Variants in NOVA2 observed in about 807,000 individuals in gnomAD.
NOVA2 encodes NOVA alternative splicing regulator 2.
NOVA2 carries 9 observed loss-of-function variants against 22.5 expected under a neutral mutation model. That is an observed-to-expected ratio of 0.40 (90% confidence interval 0.24 to 0.70). NOVA2 has a LOEUF of 0.70. Among genes scored for constraint, NOVA2 ranks in the 30% least tolerant of loss-of-function variants. The pLI is 0.38. For synonymous variants in NOVA2, 318 were observed against 335.2 expected (o/e 0.95, Z 0.56); for missense variants, 383 against 682.8 (o/e 0.56, Z 4.89).
Position 45,973,735 on chromosome 19 carries a change from C to T in NOVA2, c.-384G>A, listed in dbSNP as rs980989628. Among the ~76,000 whole-genome samples the T allele has an allele frequency of 2.0e-5, 3 of 149,954 alleles. No homozygotes were observed. On this transcript the variant is annotated 5_prime_UTR_variant, in exon 1 of 4. Coordinates refer to ENST00000263257, the MANE Select transcript of NOVA2 (RefSeq NM_002516.4). ...GCAGGATGGCAGGGCCGAGGGGGGT[C>T]TCCGATAGGGCCGGGAAAGAACTGA...
intron 1 of NOVA2, among the ~76,000 whole-genome samples, chr19:45,964,769 C>T (rs1968148449): frequency 6.6e-6 from 1 of 152,086 alleles, no homozygotes; most frequent in African/African-American, 2.4e-5. Context: ...CCATGTTGCT[C>T]AGGCTGGTCT....
chr19:45,933,918 T>TG lies in NOVA2; in HGVS notation c.*5944dup, dbSNP rs1967625059. Reference sequence around the variant, plus strand: ...TGGGCGTGGCCCAGGCATGGCAATGTGGGGAGTGGGAGGAGACGGCAGTGC... The same window carrying TG: ...TGGGCGTGGCCCAGGCATGGCAATGTGGGGGAGTGGGAGGAGACGGCAGTGC... On this transcript the variant is annotated 3_prime_UTR_variant, in exon 4 of 4. Transcript: ENST00000263257. 1 of 149,842 alleles carries TG rather than the reference T, an allele frequency of 6.7e-6. No homozygotes were observed. Among genetic ancestry groups the TG allele is most frequent in the African/African-American group, 2.5e-5 (1 of 40,378 alleles). 9.3% of individuals were successfully genotyped at this position (149,842 alleles called of 1,614,324 possible).
intron 1 of NOVA2, among the ~76,000 whole-genome samples, chr19:45,961,621 A>C (rs1968097977): frequency 6.6e-6 from 1 of 152,126 alleles, no homozygotes; most frequent in African/African-American, 2.4e-5. Flanking sequence ...TCATCATCAC[A>C]CACTTTTGCA....
intron 1 of NOVA2, among the ~76,000 whole-genome samples, chr19:45,970,489 C>A (rs1474990980): frequency 6.6e-6 from 1 of 151,766 alleles, no homozygotes; most frequent in Non-Finnish European, 1.5e-5. Flanking sequence ...GATTCTCCTG[C>A]CTCAACCTCC....
chr19:45,939,771 C>A lies in NOVA2; in HGVS notation c.*92G>T. 7 of 1,528,544 alleles carry A rather than the reference C, an allele frequency of 4.6e-6. No individual in the cohort carries two copies. Among genetic ancestry groups the A allele is most frequent in the Non-Finnish European group, 6.2e-6 (7 of 1,122,760 alleles). 94.7% of individuals were successfully genotyped at this position (1,528,544 alleles called of 1,614,324 possible). ...CCCCATCCCAAGAGGAGCAGGACTA[C>A]ACCAAGCTGAGGTCAGGAGTTGGGG... On this transcript the variant is annotated 3_prime_UTR_variant, in exon 4 of 4. Transcript: ENST00000263257.
intron 1 of NOVA2, among the ~76,000 whole-genome samples, chr19:45,972,363 C>T (rs757931375): frequency 1.3e-5 from 2 of 152,036 alleles, no homozygotes; most frequent in Non-Finnish European, 2.9e-5. Flanking sequence ...TCACCAGCCA[C>T]GCCTGTGTCA....
Position 45,954,354 on chromosome 19 carries a change from C to T in NOVA2, c.230-408G>A, listed in dbSNP as rs1440131867. On this transcript the variant is annotated intron_variant, in intron 2 of 3. Transcript: ENST00000263257. ...GGAAGCAGAGAGCTCAGGCCTGCAA[C>T]GGTTGCCACAGTAACTGGAACCCCC... Among the ~76,000 whole-genome samples, 5 of 152,186 alleles carry T rather than the reference C, an allele frequency of 3.3e-5. No homozygotes were observed. In the East Asian group the frequency reaches 7.7e-4, roughly 23 times the overall value.
At chr19:45,961,479 A>G (rs1157030947) in intron 1 of NOVA2, among the ~76,000 whole-genome samples, 1 of 150,554 alleles carries the variant, frequency 6.6e-6, no homozygotes, top group Non-Finnish European at 1.5e-5. Context: ...GACAGACAGT[A>G]TATTTCATGT....
chr19:45,962,137 C>T lies in NOVA2; in HGVS notation c.86-984G>A, dbSNP rs189009041. The T allele has an allele frequency of 8.5e-4, 131 of 153,592 alleles. 1 individual carries two copies. Among genetic ancestry groups the T allele is most frequent in the African/African-American group, 2.8e-3 (115 of 41,540 alleles). The allele number at this position is 153,592 out of a possible 1,614,324, so 9.5% of individuals were successfully genotyped here. On this transcript the variant is annotated intron_variant, in intron 1 of 3. Coordinates refer to ENST00000263257, the MANE Select transcript of NOVA2 (RefSeq NM_002516.4). ...GAGGGGAGCAGACCGTGAGAAGCAA[C>T]GGTGGGAGAGGTGGGGGCCCAGTGA...
intron 1 of NOVA2, among the ~76,000 whole-genome samples, chr19:45,969,385 T>C (rs1968205351): frequency 6.6e-6 from 1 of 151,718 alleles, no homozygotes; most frequent in Non-Finnish European, 1.5e-5. Context: ...TGCACACCTG[T>C]AGTTCCAGCT....
At chr19:45,956,822 C>T (rs1295656666) in intron 2 of NOVA2, among the ~76,000 whole-genome samples, 1 of 152,134 alleles carries the variant, frequency 6.6e-6, no homozygotes. Flanking sequence ...GTCCCTGATT[C>T]CCTGCTAAGG....
intron 3 of NOVA2, among the ~76,000 whole-genome samples, chr19:45,948,870 G>C (rs548277183): frequency 9.2e-5 from 14 of 152,234 alleles, no homozygotes; most frequent in African/African-American, 3.4e-4. Context: ...AGCTAAAAAG[G>C]AGAAACAACC....
intron 3 of NOVA2, among the ~76,000 whole-genome samples, chr19:45,953,261 C>T (rs1016150422): frequency 6.6e-6 from 1 of 152,222 alleles, no homozygotes; most frequent in Admixed American, 6.5e-5. Flanking sequence ...TTCCCCCTTC[C>T]ATTCCTTCCT....
Position 45,961,088 on chromosome 19 carries a change from C to T in NOVA2, c.151G>A (p.Gly51Ser). The change falls in exon 2 of 4, where the codon GGC (glycine) becomes AGC (serine). Residue 51 changes from glycine to serine, a missense_variant. Coordinates refer to ENST00000263257, the MANE Select transcript of NOVA2 (RefSeq NM_002516.4). ...TGCAGCTGCACGATGGTCTGCCCGCCCTTGCCAATGATGGAGCCCGCCGCG... is the reference window on the plus strand; with the variant it reads ...TGCAGCTGCACGATGGTCTGCCCGCTCTTGCCAATGATGGAGCCCGCCGCG... Reference protein sequence around the residue: ...SYAAGSIIGKGGQTIVQLQKE... With the variant: ...SYAAGSIIGKSGQTIVQLQKE... 1 of 1,591,460 alleles carries T rather than the reference C, an allele frequency of 6.3e-7. No homozygotes were observed. The highest frequency in any genetic ancestry group is 1.7e-4 in the Middle Eastern group (1 of 6,030).
chr19:45,953,449 C>G lies in NOVA2; in HGVS notation c.396+331G>C, dbSNP rs189558061. On this transcript the variant is annotated intron_variant, in intron 3 of 3. Transcript: ENST00000263257. ...TGATAGCAGGAAGTGGGAGGCAGGT[C>G]GTTCAGAGAGACAATGGGATGAGGT... Among the ~76,000 whole-genome samples the G allele has an allele frequency of 5.3e-5, 8 of 152,176 alleles. No homozygotes were observed. In the East Asian group the frequency reaches 1.2e-3, roughly 22 times the overall value.
intron 1 of NOVA2, among the ~76,000 whole-genome samples, chr19:45,963,232 C>T (rs1043047337): frequency 6.6e-6 from 1 of 151,794 alleles, no homozygotes; most frequent in African/African-American, 2.4e-5. Context: ...TACAAAAATT[C>T]GCCGGGTGTG....
Position 45,968,688 on chromosome 19 carries a change from A to T in NOVA2, c.85+4579T>A, listed in dbSNP as rs55842156. Among the ~76,000 whole-genome samples the T allele has an allele frequency of 3.4e-3, 524 of 152,264 alleles. 1 individual carries two copies. The highest frequency in any genetic ancestry group is 0.012 in the African/African-American group (490 of 41,528). Reference sequence around the variant, plus strand: ...TCACATATGCAATCTCATCTAATGCACAAAACCCAGAGAGGTAGATCTTCC... The same window carrying T: ...TCACATATGCAATCTCATCTAATGCTCAAAACCCAGAGAGGTAGATCTTCC... On this transcript the variant is annotated intron_variant, in intron 1 of 3. Transcript: ENST00000263257.
chr19:45,971,275 C>T (rs1030773631), intron 1 of NOVA2, among the ~76,000 whole-genome samples: 1 of 152,076 alleles, frequency 6.6e-6, no homozygotes, highest in Non-Finnish European at 1.5e-5. Flanking sequence ...GCATCTCAGT[C>T]CCTGTAGAGA....
intron 1 of NOVA2, among the ~76,000 whole-genome samples, chr19:45,971,904 T>G (rs530022864): frequency 7.2e-5 from 11 of 152,092 alleles, no homozygotes; most frequent in Admixed American, 2.0e-4. Flanking sequence ...TCGGCTTTTC[T>G]TCTCTGGTAC....
Sources: gnomAD v4.1 joint callset for allele counts (sites outside exome capture counted in the v4.1 genomes callset) on GRCh38, gnomAD v4.1.1 for gene constraint, MANE v1.5 for transcripts, NCBI Gene and HGNC (gene_info 2026-07-23, HGNC 2026-07-21) for gene names.